The following TAF1B variants were observed in gnomAD, a reference collection of about 807,000 sequenced individuals.
TAF1B encodes TATA box-binding protein-associated factor RNA polymerase I subunit B.
In TAF1B, 61 loss-of-function variants were observed where a neutral mutation model predicts 83.9. The ratio of observed to expected loss-of-function variants is 0.73; its 90% CI spans 0.59 to 0.90. The LOEUF (loss-of-function observed/expected upper bound fraction) is 0.90. Among genes scored for constraint, TAF1B ranks in the 40% least tolerant of loss-of-function variants. The pLI is 0.00. For missense variants in TAF1B, 625 were observed against 677.0 expected, an observed-to-expected ratio of 0.92 and a Z score of 0.85; for synonymous variants, 221 against 224.6, an observed-to-expected ratio of 0.98 and a Z score of 0.14.
chr2:9,884,534 G>A (rs541064649), intron 8 of TAF1B, among the ~76,000 whole-genome samples: 3 of 152,216 alleles, frequency 2.0e-5, no homozygotes, highest in Admixed American at 6.5e-5. Flanking sequence ...CTCCCACAGC[G>A]GGCAGCTCCT....
intron 4 of TAF1B, among the ~76,000 whole-genome samples, chr2:9,853,384 T>C (rs1334020978): frequency 6.6e-6 from 1 of 152,226 alleles, no homozygotes; most frequent in Non-Finnish European, 1.5e-5. Flanking sequence ...ATGAAGCTAA[T>C]AGCTGTCTTA....
At chr2:9,898,916 A>G (rs1023134905) in intron 8 of TAF1B, among the ~76,000 whole-genome samples, 2 of 143,276 alleles carry the variant, frequency 1.4e-5, no homozygotes, top group South Asian at 2.3e-4. Context: ...CTTTAGACAG[A>G]CATTACTTAC....
intron 10 of TAF1B, 100 bp downstream of exon 10, chr2:9,911,013 C>A: frequency 8.6e-7 from 1 of 1,157,948 alleles, no homozygotes; most frequent in Non-Finnish European, 1.2e-6. Flanking sequence ...AAAAAAAGAG[C>A]TAAAGAAAAA....
intron 7 of TAF1B, among the ~76,000 whole-genome samples, chr2:9,876,598 T>C (rs1414851957): frequency 6.6e-6 from 1 of 152,232 alleles, no homozygotes; most frequent in Non-Finnish European, 1.5e-5. Flanking sequence ...CCAAAATTCT[T>C]ATGTGCTGAT....
chr2:9,849,905 T>C (rs1334786019), intron 3 of TAF1B, among the ~76,000 whole-genome samples: 1 of 152,246 alleles, frequency 6.6e-6, no homozygotes, highest in Admixed American at 6.5e-5. Context: ...TGATGGTTTT[T>C]ATTTTTGTGA....
Position 9,843,518 on chromosome 2 carries a change from T to C in TAF1B, c.-24T>C, listed in dbSNP as rs1175047851. The C allele has an allele frequency of 1.3e-6, 2 of 1,523,602 alleles. No individual in the cohort carries two copies. The highest frequency in any genetic ancestry group is 1.8e-6 in the Non-Finnish European group (2 of 1,132,330). 94.4% of individuals were successfully genotyped at this position (1,523,602 alleles called of 1,614,324 possible). A position where few individuals can be genotyped will look rare whatever the true frequency, so the allele number is the denominator to read the frequency against. ...CGCTACCCGGGTAACGGGTCCCGGC[T>C]GTGGAAGCTCCCGCGGCGCCGCGAT... On this transcript the variant is annotated 5_prime_UTR_variant, in exon 1 of 15. Coordinates refer to ENST00000263663, the MANE Select transcript of TAF1B (RefSeq NM_005680.3).
At chr2:9,843,774 G>A (rs1663105225) in intron 1 of TAF1B, 3 of 516,350 alleles carry the variant, frequency 5.8e-6, no homozygotes, top group African/African-American at 2.0e-5. Context: ...GGCTCGGCGA[G>A]GTTGTGGGGG....
intron 9 of TAF1B, among the ~76,000 whole-genome samples, chr2:9,907,189 G>GTT (rs35638451): frequency 2.3e-4 from 33 of 145,720 alleles, no homozygotes; most frequent in Admixed American, 3.4e-4. Flanking sequence ...AGCCTGGCCT[G>GTT]TTTTTTTTTT....
At chr2:9,899,087 C>T (rs1490317488) in intron 8 of TAF1B, among the ~76,000 whole-genome samples, 2 of 152,016 alleles carry the variant, frequency 1.3e-5, no homozygotes, top group Admixed American at 6.6e-5. Context: ...TTTGTGCATC[C>T]ATCACCACCA....
chr2:9,928,047 G>A (rs2125185349), intron 14 of TAF1B, among the ~76,000 whole-genome samples: 1 of 152,242 alleles, frequency 6.6e-6, no homozygotes, highest in South Asian at 2.1e-4. Context: ...TGTATAAGGT[G>A]TAAGGAAGGG....
At chr2:9,932,941 C>T (rs1024224152) in intron 14 of TAF1B, among the ~76,000 whole-genome samples, 44 of 152,242 alleles carry the variant, frequency 2.9e-4, no homozygotes, top group African/African-American at 9.9e-4. Context: ...GCTGCACTAG[C>T]AGTGAGCAAG....
At chr2:9,912,675 C>T (rs1484960456) in intron 11 of TAF1B, among the ~76,000 whole-genome samples, 3 of 152,194 alleles carry the variant, frequency 2.0e-5, no homozygotes, top group Non-Finnish European at 1.5e-5. Flanking sequence ...TGTCATTTCT[C>T]TCTGCTCTGT....
At chr2:9,905,959 A>T (rs1665327541) in intron 9 of TAF1B, among the ~76,000 whole-genome samples, 1 of 152,204 alleles carries the variant, frequency 6.6e-6, no homozygotes. Context: ...TCCAGAAATC[A>T]GTAATTATTT....
chr2:9,843,514 C>G lies in TAF1B; in HGVS notation c.-28C>G, dbSNP rs745549456. The G allele has an allele frequency of 2.0e-6, 3 of 1,524,560 alleles. No homozygotes were observed. Among genetic ancestry groups the G allele is most frequent in the East Asian group, 2.7e-5 (1 of 37,254 alleles). 94.4% of individuals were successfully genotyped at this position (1,524,560 alleles called of 1,614,324 possible). Reference sequence around the variant, plus strand: ...CGCTCGCTACCCGGGTAACGGGTCCCGGCTGTGGAAGCTCCCGCGGCGCCG... The same window carrying G: ...CGCTCGCTACCCGGGTAACGGGTCCGGGCTGTGGAAGCTCCCGCGGCGCCG... On this transcript the variant is annotated 5_prime_UTR_variant, in exon 1 of 15. Coordinates refer to ENST00000263663, the MANE Select transcript of TAF1B (RefSeq NM_005680.3).
chr2:9,866,636 C>T (rs966915065), intron 5 of TAF1B, among the ~76,000 whole-genome samples: 111 of 152,274 alleles, frequency 7.3e-4, no homozygotes, highest in Non-Finnish European at 1.4e-3. Flanking sequence ...CACATGCACA[C>T]GTATGGTTAT....
At position 9,908,028 on chromosome 2, in the gene TAF1B, C is replaced by CTTTTTTTTTTTTTTT. The variant is rs57261740; in HGVS notation, c.956-2687_956-2673dup. ...AGCGGAGCAGTTCAAGATCTTAATT[C>CTTTTTTTTTTTTTTT]TTTTTTTTTTTTTTTTTTTTTTTTT... On this transcript the variant is annotated intron_variant, in intron 9 of 14. Coordinates refer to ENST00000263663, the MANE Select transcript of TAF1B (RefSeq NM_005680.3). 5.6e-5 allele frequency among the ~76,000 whole-genome samples: 4 copies of CTTTTTTTTTTTTTTT among 71,770 alleles called. 1 individual carries two copies. Among genetic ancestry groups the CTTTTTTTTTTTTTTT allele is most frequent in the African/African-American group, 2.4e-4 (3 of 12,710 alleles). 47.1% of individuals were successfully genotyped at this position (71,770 alleles called of 152,430 possible).
intron 4 of TAF1B, among the ~76,000 whole-genome samples, chr2:9,852,544 T>C (rs772864686): frequency 6.6e-6 from 1 of 151,910 alleles, no homozygotes; most frequent in Admixed American, 6.6e-5. Context: ...CAGGCTGGAG[T>C]GCACTGGCAT....
chr2:9,917,945 G>A (rs1434540808), intron 12 of TAF1B, among the ~76,000 whole-genome samples: 1 of 151,242 alleles, frequency 6.6e-6, no homozygotes, highest in African/African-American at 2.4e-5. Context: ...AGTGGCGGGC[G>A]CCTGTAGTCC....
chr2:9,860,931 G>A (rs367564460), intron 5 of TAF1B, among the ~76,000 whole-genome samples: 1 of 152,190 alleles, frequency 6.6e-6, no homozygotes, highest in Non-Finnish European at 1.5e-5. Flanking sequence ...GGTTGCTGGG[G>A]TCAAGGGAGA....
Sources: gnomAD v4.1 joint callset for allele counts (sites outside exome capture counted in the v4.1 genomes callset) on GRCh38, gnomAD v4.1.1 for gene constraint, MANE v1.5 for transcripts, NCBI Gene and HGNC (gene_info 2026-07-23, HGNC 2026-07-21) for gene names.